CREB3L3: variants seen among roughly 807,000 people sequenced by gnomAD.
CREB3L3 encodes cAMP responsive element binding protein 3 like 3, also known as cyclic AMP-responsive element-binding protein 3-like protein 3.
In CREB3L3, 40 loss-of-function variants were observed where a neutral mutation model predicts 44.6. The observed-to-expected ratio is 0.90, with a 90% confidence interval of 0.70 to 1.17. The LOEUF (loss-of-function observed/expected upper bound fraction) is 1.17. Ranked by LOEUF, CREB3L3 falls within the 50% of genes most tolerant of loss-of-function variation. The pLI is 0.00. For missense variants in CREB3L3, 578 were observed against 595.8 expected, an observed-to-expected ratio of 0.97 and a Z score of 0.31; for synonymous variants, 273 against 256.3, an observed-to-expected ratio of 1.06 and a Z score of -0.62.
chr19:4,162,793 A>G (rs1341597825), intron 4 of CREB3L3, among the ~76,000 whole-genome samples: 1 of 152,086 alleles, frequency 6.6e-6, no homozygotes, highest in Non-Finnish European at 1.5e-5. Flanking sequence ...AGCCTGGGCA[A>G]CAGAGTGAAA....
In CREB3L3 at chr19:4,172,803, A is replaced by G; in HGVS notation, c.*834A>G. ...CAGACACAGCCTAAAACAGACCTGG[A>G]CAGACAGGCAGACGTAGTCTGAAAC... On this transcript the variant is annotated 3_prime_UTR_variant, in exon 10 of 10. Transcript: ENST00000078445. The G allele has an allele frequency of 5.8e-6, 1 of 173,324 alleles. No homozygotes were observed. Among genetic ancestry groups the G allele is most frequent in the Non-Finnish European group, 1.2e-5 (1 of 81,386 alleles). 10.7% of individuals were successfully genotyped at this position (173,324 alleles called of 1,614,324 possible).
rs1453179742 is a variant in CREB3L3, at chr19:4,159,732, T to C, written c.526T>C (p.Cys176Arg). The part of the protein sequence containing the change: ...PADPVDLSPR[C>R]NLTVKDLLLS... ...TGATCCGGTGGACCTGTCCCCACGA[T>C]GCAATCTCACCGTGAAAGACCTCCT... The change falls in exon 4 of 10, where the codon TGC becomes CGC. Residue 176 changes from cysteine to arginine, a missense_variant. Coordinates refer to ENST00000078445, the MANE Select transcript of CREB3L3 (RefSeq NM_032607.3). The C allele has an allele frequency of 1.9e-6, 3 of 1,598,654 alleles. No homozygotes were observed. Among genetic ancestry groups the C allele is most frequent in the Non-Finnish European group, 2.6e-6 (3 of 1,166,048 alleles).
intron 5 of CREB3L3, 85 bp downstream of exon 5, chr19:4,164,725 TTAGAG>T (rs2041704431): frequency 8.8e-6 from 13 of 1,479,606 alleles, no homozygotes; most frequent in African/African-American, 1.4e-5. Context: ...ATTTATTTAT[TTAGAG>T]TAGAGTCTTT....
In CREB3L3 at chr19:4,171,225, G is replaced by A. The variant is rs774897687; in HGVS notation, c.975+50G>A. On this transcript the variant is annotated intron_variant, in intron 8 of 9. Coordinates refer to ENST00000078445, the MANE Select transcript of CREB3L3 (RefSeq NM_032607.3). The surrounding 1 kb of genome is among the most constrained non-coding windows in gnomAD (Gnocchi z 4.9). ...GCCGGGGACCTAGGCTTCTGTAGAG[G>A]GGCCCATAGGGAGGTGACAATGAGT... is the stretch of plus-strand genomic sequence containing the variant. 1 of 1,536,570 alleles carries A rather than the reference G, an allele frequency of 6.5e-7. No individual in the cohort carries two copies. Among genetic ancestry groups the A allele is most frequent in the Admixed American group, 1.7e-5 (1 of 59,710 alleles).
rs1286574224 is a variant in CREB3L3 at position 4,168,449 on chromosome 19, G to A, written c.813G>A (p.Leu271=). 1.9e-6 allele frequency: 3 copies of A among 1,606,362 alleles called. No homozygotes were observed. The highest frequency in any genetic ancestry group is 3.4e-5 in the Admixed American group (2 of 59,508). The change falls in exon 6 of 10, where the codon CTG becomes CTA. Residue 271 remains leucine (L), a synonymous_variant. Coordinates refer to ENST00000078445, the MANE Select transcript of CREB3L3 (RefSeq NM_032607.3). ...AGAAGAAGGAATATATCGATGGCCTGGAGACTCGGTGGGTAGTGCTGGACC... is the reference window on the plus strand; with the variant it reads ...AGAAGAAGGAATATATCGATGGCCTAGAGACTCGGTGGGTAGTGCTGGACC... ...RKKKKEYIDG[L]ETRMSACTAQ...
rs1967086375 is a variant in CREB3L3, at chr19:4,172,745, G to A, written c.*776G>A. 1.5e-5 allele frequency: 3 copies of A among 197,166 alleles called. No individual in the cohort carries two copies. Among genetic ancestry groups the A allele is most frequent in the South Asian group, 7.0e-5 (1 of 14,366 alleles). The allele number at this position is 197,166 out of a possible 1,614,324, so 12.2% of individuals were successfully genotyped here. ...AACAGACCCAGACAGACAGACCGAC[G>A]CAGCCTGAAAGAGACCCAGACAGAG... On this transcript the variant is annotated 3_prime_UTR_variant, in exon 10 of 10. Transcript: ENST00000078445.
At chr19:4,170,537 G>A (rs183545248) in intron 7 of CREB3L3, among the ~76,000 whole-genome samples, 4 of 151,982 alleles carry the variant, frequency 2.6e-5, no homozygotes, top group East Asian at 1.9e-4. Flanking sequence ...GCTTGAACTC[G>A]GGAGGCGGAG....
At position 4,171,267 on chromosome 19, in the gene CREB3L3, C is replaced by A; in HGVS notation, c.975+92C>A. The stretch of plus-strand genomic sequence containing the variant: ...ACAATGAGTCCAAGCTCTCCTTGTG[C>A]CCCAGCTCAAGTATGATCCAGTCTG... On this transcript the variant is annotated intron_variant, in intron 8 of 9. Transcript: ENST00000078445. The surrounding 1 kb of genome is among the most constrained non-coding windows in gnomAD (Gnocchi z 4.9). 6.9e-7 allele frequency: 1 copy of A among 1,448,374 alleles called. No individual in the cohort carries two copies. The highest frequency in any genetic ancestry group is 2.3e-5 in the East Asian group (1 of 43,788). 89.7% of individuals were successfully genotyped at this position (1,448,374 alleles called of 1,614,324 possible).
chr19:4,172,159 A>G lies in CREB3L3; in HGVS notation c.*190A>G. 1 of 646,348 alleles carries G rather than the reference A, an allele frequency of 1.5e-6. No homozygotes were observed. The highest frequency in any genetic ancestry group is 2.0e-5 in the South Asian group (1 of 50,448). The allele number at this position is 646,348 out of a possible 1,614,324, so 40.0% of individuals were successfully genotyped here. ...GGCCCACGCAGGAACCGACACTCAG[A>G]CACAAGGCAAAGAGGGCCACAGGAC... On this transcript the variant is annotated 3_prime_UTR_variant, in exon 10 of 10. Transcript: ENST00000078445.
intron 4 of CREB3L3, among the ~76,000 whole-genome samples, chr19:4,162,988 T>C (rs1200628919): frequency 6.6e-6 from 1 of 151,356 alleles, no homozygotes; most frequent in Non-Finnish European, 1.5e-5. Flanking sequence ...AAAATAATAA[T>C]AGTAATAATA....
At position 4,171,973 on chromosome 19, in the gene CREB3L3, C is replaced by T; in HGVS notation, c.*4C>T. ...GGCGGCGGGAGACGAGCTGTGAGCC[C>T]CGCCAGGACTATGCTCCCAGGCCCC... On this transcript the variant is annotated 3_prime_UTR_variant, in exon 10 of 10. Transcript: ENST00000078445. The surrounding 1 kb of genome is among the most constrained non-coding windows in gnomAD (Gnocchi z 4.9). 1 of 1,586,014 alleles carries T rather than the reference C, an allele frequency of 6.3e-7. No homozygotes were observed. The highest frequency in any genetic ancestry group is 8.6e-7 in the Non-Finnish European group (1 of 1,168,824).
intron 3 of CREB3L3, 77 bp from the exon 4 acceptor site, chr19:4,159,587 G>A: frequency 1.3e-6 from 1 of 786,452 alleles, no homozygotes; most frequent in Non-Finnish European, 2.3e-6. Context: ...TGGTGGAGGA[G>A]GCGGTTAGAG....
chr19:4,162,113 T>C (rs2041668840), intron 4 of CREB3L3, among the ~76,000 whole-genome samples: 2 of 152,112 alleles, frequency 1.3e-5, no homozygotes, highest in Non-Finnish European at 1.5e-5. Context: ...CTCAAGTGAT[T>C]CTCATACCTC....
At chr19:4,167,246 G>A (rs1966925497) in intron 5 of CREB3L3, among the ~76,000 whole-genome samples, 1 of 151,802 alleles carries the variant, frequency 6.6e-6, no homozygotes, top group Non-Finnish European at 1.5e-5. Flanking sequence ...GGGAAGCTGG[G>A]GTGGGAGAAT....
intron 3 of CREB3L3, among the ~76,000 whole-genome samples, chr19:4,158,930 C>T (rs1266704350): frequency 1.3e-5 from 2 of 152,144 alleles, no homozygotes; most frequent in Non-Finnish European, 2.9e-5. Flanking sequence ...GGACAGCATG[C>T]CTACTGCATG....
chr19:4,172,095 G>A lies in CREB3L3; in HGVS notation c.*126G>A. The A allele has an allele frequency of 9.8e-7, 1 of 1,025,092 alleles. No homozygotes were observed. Among genetic ancestry groups the A allele is most frequent in the Non-Finnish European group, 1.4e-6 (1 of 722,000 alleles). The allele number at this position is 1,025,092 out of a possible 1,614,324, so 63.5% of individuals were successfully genotyped here. A position where few individuals can be genotyped will look rare whatever the true frequency, so the allele number is the denominator to read the frequency against. ...CCCCAGCAGAGATGCCAGAATGGGG[G>A]AGGCACAGCTCATAGCCACACACCC... On this transcript the variant is annotated 3_prime_UTR_variant, in exon 10 of 10. Transcript: ENST00000078445.
Position 4,171,678 on chromosome 19 carries a change from C to T in CREB3L3, c.1095C>T (p.Asn365=), listed in dbSNP as rs754995668. ...PVRVFSRTLH[N]DAASRVAADA... The stretch of plus-strand genomic sequence containing the variant: ...CAGTGTTCTCCAGAACTTTGCACAA[C>T]GATGCTGCCTCCCGCGTGGCTGCTG... Residue 365 remains asparagine (N), a synonymous_variant, in exon 10 of 10, where the codon AAC becomes AAT. Transcript: ENST00000078445. The surrounding 1 kb of genome is among the most constrained non-coding windows in gnomAD (Gnocchi z 4.9). 1.1e-5 allele frequency: 18 copies of T among 1,613,226 alleles called. No individual in the cohort carries two copies. Among genetic ancestry groups the T allele is most frequent in the South Asian group, 3.3e-5 (3 of 91,088 alleles).
intron 5 of CREB3L3, among the ~76,000 whole-genome samples, chr19:4,167,973 T>TTTTATTTATTTA (rs58194210): frequency 0.095 from 13,761 of 144,736 alleles, 722 homozygotes; most frequent in East Asian, 0.18. Context: ...ATTTTAATTA[T>TTTTATTTATTTA]TTTATTTATT....
intron 5 of CREB3L3, among the ~76,000 whole-genome samples, chr19:4,165,924 C>A (rs1477369233): frequency 6.6e-6 from 1 of 151,968 alleles, no homozygotes; most frequent in Non-Finnish European, 1.5e-5. Flanking sequence ...AAAACAAAAT[C>A]CAAAAAACCA....
Sources: allele counts gnomAD v4.1 joint callset (sites outside exome capture counted in the v4.1 genomes callset), GRCh38; gene constraint gnomAD v4.1.1; non-coding constraint Gnocchi (gnomAD v3.1); transcripts MANE v1.5; gene names NCBI Gene and HGNC (gene_info 2026-07-23, HGNC 2026-07-21).